The following GLRX3 variants were observed in gnomAD, a reference collection of about 807,000 sequenced individuals.
The protein encoded by GLRX3 is glutaredoxin-3.
A neutral mutation model predicts 49.5 loss-of-function variants in GLRX3; 22 were observed. The ratio of observed to expected loss-of-function variants is 0.44; its 90% CI spans 0.32 to 0.63. GLRX3 has a LOEUF of 0.63. Ranked by LOEUF, GLRX3 falls within the 30% of genes least tolerant of loss-of-function variation. The pLI, the probability that GLRX3 is intolerant of heterozygous loss-of-function variation, is 0.05. For synonymous variants in GLRX3, 133 were observed against 140.0 expected, an observed-to-expected ratio of 0.95 and a Z score of 0.35; for missense variants, 385 against 396.3, an observed-to-expected ratio of 0.97 and a Z score of 0.24.
intron 1 of GLRX3, among the ~76,000 whole-genome samples, chr10:130,142,019 T>C (rs1475832430): frequency 6.6e-6 from 1 of 152,160 alleles, no homozygotes; most frequent in Non-Finnish European, 1.5e-5. Context: ...CAGTGCTTGA[T>C]TGAAACAGCA....
At chr10:130,168,797 C>A (rs1862746527) in intron 6 of GLRX3, among the ~76,000 whole-genome samples, 1 of 152,170 alleles carries the variant, frequency 6.6e-6, no homozygotes, top group Non-Finnish European at 1.5e-5. Context: ...GGCGTGACCC[C>A]ATGGGGCTTA....
At chr10:130,144,553 G>A (rs1378059608) in intron 1 of GLRX3, among the ~76,000 whole-genome samples, 1 of 151,708 alleles carries the variant, frequency 6.6e-6, no homozygotes, top group African/African-American at 2.4e-5. Flanking sequence ...ATGAGAACAT[G>A]CAATGTTTGT....
At chr10:130,164,870 G>A (rs940326883) in intron 4 of GLRX3, among the ~76,000 whole-genome samples, 5 of 152,192 alleles carry the variant, frequency 3.3e-5, no homozygotes, top group African/African-American at 7.2e-5. Flanking sequence ...GCAATCAGCC[G>A]TTAGCTGTTT....
chr10:130,146,745 G>A (rs1439549690), intron 2 of GLRX3, among the ~76,000 whole-genome samples: 1 of 152,178 alleles, frequency 6.6e-6, no homozygotes, highest in Non-Finnish European at 1.5e-5. Flanking sequence ...CAGAGTACAT[G>A]TTACCCAATA....
At chr10:130,138,243 G>A (rs1862103854) in intron 1 of GLRX3, among the ~76,000 whole-genome samples, 1 of 152,126 alleles carries the variant, frequency 6.6e-6, no homozygotes, top group African/African-American at 2.4e-5. Flanking sequence ...TTTTCGTAGA[G>A]GCAGGGTTTC....
chr10:130,139,127 T>C (rs538151853), intron 1 of GLRX3, among the ~76,000 whole-genome samples: 92 of 150,828 alleles, frequency 6.1e-4, no homozygotes, highest in Non-Finnish European at 1.0e-3. Flanking sequence ...CGTGCTGGGA[T>C]TACAGGCATG....
chr10:130,158,023 CCTT>C (rs537671229), intron 2 of GLRX3, among the ~76,000 whole-genome samples: 36 of 152,220 alleles, frequency 2.4e-4, no homozygotes, highest in South Asian at 8.3e-4. Flanking sequence ...GTTCCTGTTC[CCTT>C]CTTCTTAAGA....
chr10:130,155,732 C>T (rs547271992), intron 2 of GLRX3, among the ~76,000 whole-genome samples: 2 of 152,128 alleles, frequency 1.3e-5, no homozygotes, highest in South Asian at 2.1e-4. Flanking sequence ...GTAATAGCAG[C>T]GTCATTTAGA....
intron 2 of GLRX3, among the ~76,000 whole-genome samples, chr10:130,159,509 A>C (rs763215153): frequency 2.6e-5 from 4 of 152,234 alleles, no homozygotes; most frequent in Non-Finnish European, 5.9e-5. Context: ...TCAATAGTTT[A>C]TTGAAGAAAT....
chr10:130,175,285 C>T (rs893734617), intron 10 of GLRX3, among the ~76,000 whole-genome samples, 196 bp downstream of exon 10: 6 of 152,240 alleles, frequency 3.9e-5, no homozygotes, highest in Non-Finnish European at 8.8e-5. Flanking sequence ...ACGTGGCAGC[C>T]TGTTCTTACT....
chr10:130,136,569 C>G, intron 1 of GLRX3, 57 bp downstream of exon 1: 1 of 1,244,182 alleles, frequency 8.0e-7, no homozygotes, highest in Non-Finnish European at 1.0e-6. Context: ...GGCCGCGAGA[C>G]CGGGCCGGTG....
intron 1 of GLRX3, among the ~76,000 whole-genome samples, chr10:130,143,697 A>G (rs1348007749): frequency 2.0e-5 from 3 of 151,328 alleles, no homozygotes; most frequent in Non-Finnish European, 2.9e-5. Context: ...TGGCCTAGAA[A>G]AATCTTTTTT....
intron 2 of GLRX3, among the ~76,000 whole-genome samples, chr10:130,158,395 A>G (rs1862517038): frequency 6.6e-6 from 1 of 152,160 alleles, no homozygotes; most frequent in South Asian, 2.1e-4. Flanking sequence ...CAGATTTTAA[A>G]AGAAGATAGG....
At chr10:130,139,503 A>G (rs7100923) in intron 1 of GLRX3, among the ~76,000 whole-genome samples, 40,520 of 151,730 alleles carry the variant, frequency 0.27, 5,417 homozygotes, top group South Asian at 0.35. Context: ...TTAGCCAGGC[A>G]TGGTGGCAGG....
At chr10:130,156,431 T>C (rs1012445073) in intron 2 of GLRX3, among the ~76,000 whole-genome samples, 15 of 152,224 alleles carry the variant, frequency 9.9e-5, no homozygotes, top group Admixed American at 4.6e-4. Context: ...GAGGGACATA[T>C]ACATTCAAAT....
chr10:130,163,723 A>G (rs1378890490), intron 4 of GLRX3, among the ~76,000 whole-genome samples: 1 of 152,244 alleles, frequency 6.6e-6, no homozygotes, highest in Non-Finnish European at 1.5e-5. Context: ...TTATGGGAAC[A>G]TAAGTCACCT....
intron 4 of GLRX3, among the ~76,000 whole-genome samples, chr10:130,163,054 A>G (rs1329182): frequency 0.21 from 32,160 of 152,152 alleles, 3,490 homozygotes; most frequent in Middle Eastern, 0.29. Context: ...TTTATATTAA[A>G]CTTATTTAAA....
In GLRX3 at chr10:130,160,830, A is replaced by G. The variant is rs776626614; in HGVS notation, c.311A>G (p.His104Arg). 3.7e-6 allele frequency: 6 copies of G among 1,607,758 alleles called. No homozygotes were observed. In the South Asian group the frequency reaches 4.4e-5, roughly 12 times the overall value. Residue 104 changes from histidine (H) to arginine (R), a missense_variant, in exon 4 of 11, where the codon CAT becomes CGT. Transcript: ENST00000331244. Reference protein sequence around the residue: ...SQKIDRLDGAHAPELTKKVQR... With the variant: ...SQKIDRLDGARAPELTKKVQR... ...AAAATCGACCGATTAGATGGTGCAC[A>G]TGCCCCAGAGTTGACCAAAAAAGTT...
intron 4 of GLRX3, among the ~76,000 whole-genome samples, chr10:130,162,162 T>G (rs1406948899): frequency 2.6e-5 from 4 of 152,180 alleles, no homozygotes; most frequent in Non-Finnish European, 5.9e-5. Flanking sequence ...GTATTTTTAG[T>G]AGAGATAGGG....
Sources: gnomAD v4.1 joint callset for allele counts (sites outside exome capture counted in the v4.1 genomes callset) on GRCh38, gnomAD v4.1.1 for gene constraint, MANE v1.5 for transcripts, NCBI Gene and HGNC (gene_info 2026-07-23, HGNC 2026-07-21) for gene names.